The following HS3ST4 variants were observed in gnomAD, a reference collection of about 807,000 sequenced individuals.
The protein encoded by HS3ST4 is heparan sulfate-glucosamine 3-sulfotransferase 4.
In HS3ST4, 17 loss-of-function variants were observed where a neutral mutation model predicts 29.2. The observed-to-expected ratio is 0.58, with a 90% CI of 0.40 to 0.87. The LOEUF (loss-of-function observed/expected upper bound fraction) is 0.87, where lower values mean the gene tolerates loss of function less well. Among genes scored for constraint, HS3ST4 ranks in the 40% least tolerant of loss-of-function variants. HS3ST4 has a pLI of 0.00. For missense variants in HS3ST4, 627 were observed against 634.5 expected, an observed-to-expected ratio of 0.99 and a Z score of 0.13; for synonymous variants, 314 against 285.7, an observed-to-expected ratio of 1.10 and a Z score of -1.00.
chr16:25,835,893 C>G (rs539528726), intron 1 of HS3ST4, among the ~76,000 whole-genome samples: 1 of 152,128 alleles, frequency 6.6e-6, no homozygotes, highest in Non-Finnish European at 1.5e-5. Flanking sequence ...GACGCTGGCT[C>G]ACTGAAGCAG....
chr16:25,733,900 C>G (rs540393267), intron 1 of HS3ST4, among the ~76,000 whole-genome samples: 1 of 152,152 alleles, frequency 6.6e-6, no homozygotes, highest in Admixed American at 6.5e-5. Context: ...AGGCAGATCA[C>G]GAGGTCAGGA....
chr16:25,760,987 A>G (rs1363447586), intron 1 of HS3ST4, among the ~76,000 whole-genome samples: 3 of 152,138 alleles, frequency 2.0e-5, no homozygotes, highest in East Asian at 3.9e-4. Context: ...GGTGTGTAGC[A>G]AATAGCAAAA....
At chr16:25,905,436 G>A (rs902244314) in intron 1 of HS3ST4, among the ~76,000 whole-genome samples, 3 of 152,094 alleles carry the variant, frequency 2.0e-5, no homozygotes, top group Non-Finnish European at 4.4e-5. Context: ...CATGTTGGGA[G>A]GACTCTCTAA....
At chr16:25,788,540 C>CTTTTTTTTTTTT (rs34729954) in intron 1 of HS3ST4, among the ~76,000 whole-genome samples, 4 of 99,070 alleles carry the variant, frequency 4.0e-5, no homozygotes, top group Non-Finnish European at 5.7e-5. Context: ...TTCTTTTCTT[C>CTTTTTTTTTTTT]TTTCTTTTTT....
At chr16:26,071,790 G>T (rs1440105647) in intron 1 of HS3ST4, among the ~76,000 whole-genome samples, 1 of 152,132 alleles carries the variant, frequency 6.6e-6, no homozygotes, top group Non-Finnish European at 1.5e-5. Context: ...GATCAGACTT[G>T]TTTCAATTTT....
chr16:26,020,433 A>T (rs1424528673), intron 1 of HS3ST4, among the ~76,000 whole-genome samples: 1 of 152,198 alleles, frequency 6.6e-6, no homozygotes, highest in South Asian at 2.1e-4. Context: ...AAAAGCTCTG[A>T]CCATTCCCAC....
intron 1 of HS3ST4, among the ~76,000 whole-genome samples, chr16:26,085,831 G>T (rs914407550): frequency 2.6e-5 from 4 of 151,442 alleles, no homozygotes; most frequent in Admixed American, 2.6e-4. Context: ...CTATGATTGT[G>T]CCACTAAACT....
intron 1 of HS3ST4, among the ~76,000 whole-genome samples, chr16:26,057,281 T>A (rs1487087168): frequency 2.0e-5 from 3 of 152,124 alleles, no homozygotes; most frequent in Non-Finnish European, 4.4e-5. Context: ...TTATCCAAGA[T>A]TCTCTGCTAA....
chr16:26,020,477 T>A (rs1596646739), intron 1 of HS3ST4, among the ~76,000 whole-genome samples: 1 of 152,230 alleles, frequency 6.6e-6, no homozygotes, highest in Non-Finnish European at 1.5e-5. Flanking sequence ...AGAGCAGCGC[T>A]GTGACAGCCG....
chr16:25,986,594 G>A (rs1490808767), intron 1 of HS3ST4, among the ~76,000 whole-genome samples: 1 of 152,222 alleles, frequency 6.6e-6, no homozygotes, highest in African/African-American at 2.4e-5. Flanking sequence ...TATGCTCGCA[G>A]TGTCCATAAA....
chr16:26,122,151 G>A (rs2141811046), intron 1 of HS3ST4, among the ~76,000 whole-genome samples: 1 of 145,404 alleles, frequency 6.9e-6, no homozygotes, highest in South Asian at 2.2e-4. Context: ...ACATCCCTAT[G>A]GATACTAAAC....
At chr16:25,729,620 AT>A (rs137983208) in intron 1 of HS3ST4, among the ~76,000 whole-genome samples, 3,287 of 151,994 alleles carry the variant, frequency 0.022, 132 homozygotes, top group African/African-American at 0.075. Context: ...GAATCCTCTA[AT>A]TTTTCACTCA....
chr16:25,767,953 C>T (rs945646393), intron 1 of HS3ST4, among the ~76,000 whole-genome samples: 1 of 152,130 alleles, frequency 6.6e-6, no homozygotes, highest in Non-Finnish European at 1.5e-5. Context: ...AGGGTGGGTA[C>T]ATGAACGAGT....
intron 1 of HS3ST4, among the ~76,000 whole-genome samples, chr16:25,822,877 A>G (rs1967175724): frequency 6.6e-6 from 1 of 152,024 alleles, no homozygotes; most frequent in Non-Finnish European, 1.5e-5. Context: ...AGCTGGGACT[A>G]CAGGCGTGCA....
chr16:26,056,511 T>C (rs902778281), intron 1 of HS3ST4, among the ~76,000 whole-genome samples: 33 of 152,186 alleles, frequency 2.2e-4, no homozygotes, highest in African/African-American at 8.0e-4. Context: ...GGCACAGAAG[T>C]GCTCTGAGAG....
chr16:26,118,363 A>G (rs992149785), intron 1 of HS3ST4, among the ~76,000 whole-genome samples: 1 of 152,204 alleles, frequency 6.6e-6, no homozygotes, highest in African/African-American at 2.4e-5. Context: ...CTGGGATTAC[A>G]GGGTTTGAGC....
At chr16:25,712,198 A>G in intron 1 of HS3ST4, among the ~76,000 whole-genome samples, 1 of 152,178 alleles carries the variant, frequency 6.6e-6, no homozygotes, top group East Asian at 1.9e-4. Flanking sequence ...CTGACCACAC[A>G]TGAATTATAG....
intron 1 of HS3ST4, among the ~76,000 whole-genome samples, chr16:25,972,284 C>T (rs1469889582): frequency 6.6e-6 from 1 of 152,196 alleles, no homozygotes; most frequent in African/African-American, 2.4e-5. Flanking sequence ...TGCTGTGTAA[C>T]AAATTACCCC....
At chr16:25,883,576 A>G (rs1041478993) in intron 1 of HS3ST4, among the ~76,000 whole-genome samples, 5 of 152,194 alleles carry the variant, frequency 3.3e-5, no homozygotes, top group African/African-American at 1.2e-4. Flanking sequence ...GGAGAGGACT[A>G]GGTGTTTAGA....
Sources: gnomAD v4.1 joint callset for allele counts (sites outside exome capture counted in the v4.1 genomes callset) on GRCh38, gnomAD v4.1.1 for gene constraint, MANE v1.5 for transcripts, NCBI Gene and HGNC (gene_info 2026-07-23, HGNC 2026-07-21) for gene names.